PPP2R3B: variants seen among roughly 807,000 people sequenced by gnomAD.
PPP2R3B encodes the protein serine/threonine-protein phosphatase 2A regulatory subunit B'' subunit beta.
PPP2R3B carries 68 observed loss-of-function variants against 72.9 expected under a neutral mutation model. That is an observed-to-expected ratio of 0.93 (90% CI 0.77 to 1.14). The LOEUF is 1.14. Among genes scored for constraint, PPP2R3B ranks in the 50% most tolerant of loss-of-function variants. The probability of loss-of-function intolerance (pLI) is 0.00; values close to 1 mark genes in which losing one functional copy is unlikely to be tolerated. For missense variants in PPP2R3B, 1,018 were observed against 842.0 expected (o/e 1.21, Z -2.59); for synonymous variants, 466 against 375.8 (o/e 1.24, Z -2.78).
intron 7 of PPP2R3B, chrX:345,207 TG>T (rs1370777456): frequency 1.6e-6 from 1 of 607,278 alleles, no homozygotes; most frequent in South Asian, 1.5e-5. Flanking sequence ...CTTGCTCGGG[TG>T]TTAACAAGGA....
chrX:341,418 A>C, intron 8 of PPP2R3B, 22 bp from the exon 9 acceptor site: 1 of 1,610,224 alleles, frequency 6.2e-7, no homozygotes, highest in Non-Finnish European at 8.5e-7. Flanking sequence ...GCCAGGATGG[A>C]GAGACGAAGA....
chrX:367,182 G>C (rs1407229394), intron 1 of PPP2R3B, among the ~76,000 whole-genome samples: 2 of 152,136 alleles, frequency 1.3e-5, no homozygotes, highest in African/African-American at 2.4e-5. Flanking sequence ...TTGAAAGAAG[G>C]GATGAAGAGC....
At chrX:367,503 T>C (rs1273151497) in intron 1 of PPP2R3B, among the ~76,000 whole-genome samples, 1 of 152,116 alleles carries the variant, frequency 6.6e-6, no homozygotes, top group Non-Finnish European at 1.5e-5. Context: ...CCTCCAGCGA[T>C]TCTCCTGCCT....
In PPP2R3B at chrX:334,316, CGGT is replaced by C; in HGVS notation, c.*48_*50del. The C allele has an allele frequency of 2.1e-6, 3 of 1,432,584 alleles. No individual in the cohort carries two copies. The highest frequency in any genetic ancestry group is 2.7e-5 in the East Asian group (1 of 37,068). 88.7% of individuals were successfully genotyped at this position (1,432,584 alleles called of 1,614,324 possible). On this transcript the variant is annotated 3_prime_UTR_variant, in exon 13 of 13. Coordinates refer to ENST00000390665, the MANE Select transcript of PPP2R3B (RefSeq NM_013239.5). Reference sequence around the variant, plus strand: ...AGTTTTTACACGAGCCGCGGTGGCCCGGTGGTGGCACGTGGGGAGCGGCCCCGC... The same window carrying C: ...AGTTTTTACACGAGCCGCGGTGGCCCGGTGGCACGTGGGGAGCGGCCCCGC...
intron 2 of PPP2R3B, among the ~76,000 whole-genome samples, chrX:356,885 C>CG (rs2071447997): frequency 1.1e-5 from 1 of 93,110 alleles, no homozygotes; most frequent in Admixed American, 1.2e-4. Flanking sequence ...ATCCACACCC[C>CG]GCCAGCCACA....
At chrX:351,146 G>A (rs1190993264) in intron 2 of PPP2R3B, among the ~76,000 whole-genome samples, 2 of 152,160 alleles carry the variant, frequency 1.3e-5, no homozygotes, top group Non-Finnish European at 2.9e-5. Flanking sequence ...GAGGGGCCGG[G>A]CCCCGCAGGA....
chrX:346,127 G>C, intron 6 of PPP2R3B, 47 bp downstream of exon 6: 2 of 1,354,904 alleles, frequency 1.5e-6, no homozygotes, highest in Middle Eastern at 2.6e-4. Context: ...GGAGGTAGGA[G>C]GGGTAGGGAC....
chrX:369,981 C>A (rs767368414), intron 1 of PPP2R3B, among the ~76,000 whole-genome samples: 1 of 152,148 alleles, frequency 6.6e-6, no homozygotes, highest in South Asian at 2.1e-4. Context: ...ACCCAGATGA[C>A]GGCCACCCCC....
At chrX:363,488 G>T (rs76261341) in intron 1 of PPP2R3B, among the ~76,000 whole-genome samples, 2 of 9,720 alleles carry the variant, frequency 2.1e-4, no homozygotes, top group African/African-American at 9.2e-4. Context: ...CCCGAGCCCA[G>T]CATCCCACAA....
rs1234300797 is a variant in PPP2R3B at position 384,276 on chromosome X, C to CTA, written c.324+2091_324+2092insTA. Among the ~76,000 whole-genome samples the CTA allele has an allele frequency of 1.5e-4, 22 of 148,716 alleles. No individual in the cohort carries two copies. The South Asian group carries it at 1.9e-3, about 13-fold the overall frequency. The stretch of plus-strand genomic sequence containing the variant: ...ACGCAAGAAGACTCTCTCTCTCTCT[C>CTA]TCTCTCTATATATATATATATACTT... On this transcript the variant is annotated intron_variant, in intron 1 of 12. Transcript: ENST00000390665.
rs1019387513 is a variant in PPP2R3B at position 384,004 on chromosome X, GACAGA to G, written c.324+2359_324+2363del. ...AGGTTAAAATCAACATCGTAAGACT[GACAGA>G]ACAGACTCTGTGGCAAACAAGACCA... On this transcript the variant is annotated intron_variant, in intron 1 of 12. Transcript: ENST00000390665. 5.0e-3 allele frequency among the ~76,000 whole-genome samples: 757 copies of G among 152,076 alleles called. 10 individuals are homozygous for G. Among genetic ancestry groups the G allele is most frequent in the African/African-American group, 0.017 (725 of 41,508 alleles).
Position 334,355 on chromosome X carries a change from T to A in PPP2R3B, c.*12A>T. 6.8e-7 allele frequency: 1 copy of A among 1,469,586 alleles called. No homozygotes were observed. Among genetic ancestry groups the A allele is most frequent in the South Asian group, 1.3e-5 (1 of 75,730 alleles). The allele number at this position is 1,469,586 out of a possible 1,614,324, so 91.0% of individuals were successfully genotyped here. A position where few individuals can be genotyped will look rare whatever the true frequency, so the allele number is the denominator to read the frequency against. On this transcript the variant is annotated 3_prime_UTR_variant, in exon 13 of 13. Transcript: ENST00000390665. ...GGGGAGCGGCCCCGCGGCGGCGTTC[T>A]CGCGGGCGGCGTCACAGCGGCTCCA...
At chrX:342,937 AGAGGCGGGAGTGAGACCTCGCCAACGG>A (rs2071115454) in intron 7 of PPP2R3B, among the ~76,000 whole-genome samples, 4 of 7,348 alleles carry the variant, frequency 5.4e-4, no homozygotes, top group Non-Finnish European at 6.2e-4. Flanking sequence ...CTCGCCAAGG[AGAGGCGGGAGTGAGACCTCGCCAACGG>A]GAGGCGGGAG....
intron 2 of PPP2R3B, among the ~76,000 whole-genome samples, chrX:352,289 C>A (rs1199507165): frequency 6.6e-6 from 1 of 152,234 alleles, no homozygotes; most frequent in Admixed American, 6.5e-5. Flanking sequence ...CCTTGTGGGG[C>A]CCGGCAACGC....
chrX:376,295 C>A (rs2071991709), intron 1 of PPP2R3B, among the ~76,000 whole-genome samples: 1 of 92,932 alleles, frequency 1.1e-5, no homozygotes, highest in Admixed American at 1.1e-4. Context: ...CCTCGAACCA[C>A]CTCTGGATGC....
At chrX:367,806 G>A (rs767027251) in intron 1 of PPP2R3B, among the ~76,000 whole-genome samples, 2 of 152,200 alleles carry the variant, frequency 1.3e-5, no homozygotes, top group African/African-American at 2.4e-5. Flanking sequence ...AGGACAGAAA[G>A]ACAGGAGATA....
Position 347,282 on chromosome X carries a change from G to C in PPP2R3B, c.669C>G (p.Ser223Arg), listed in dbSNP as rs781746440. 26 of 1,613,814 alleles carry C rather than the reference G, an allele frequency of 1.6e-5. No individual in the cohort carries two copies. In the Admixed American group the frequency reaches 4.3e-4, roughly 27 times the overall value. ...CCTGCACCAGGTAGTTGCAGCCGGG[G>C]CTCATGAGCAGATGGACGAACTTGG... ...DAAKFVHLLM[S>R]PGCNYLVQED... The change falls in exon 4 of 13, where the codon AGC becomes AGG. Residue 223 changes from serine to arginine, a missense_variant. Coordinates refer to ENST00000390665, the MANE Select transcript of PPP2R3B (RefSeq NM_013239.5).
At position 346,712 on chromosome X, in the gene PPP2R3B, A is replaced by G. The variant is rs774004662; in HGVS notation, c.781T>C (p.Tyr261His). ...CGCTGGGGACCCACCGTGGTGATGT[A>G]GCGCGAGTGGAACTCGGACGCCTCC... ...LKEASEFHSR[Y>H]ITTVIQRIFY... Residue 261 changes from tyrosine to histidine, a missense_variant, in exon 5 of 13, where the codon TAC becomes CAC. By Grantham distance (83) the Tyr-to-His change is moderately conservative. Coordinates refer to ENST00000390665, the MANE Select transcript of PPP2R3B (RefSeq NM_013239.5). 1 of 1,609,514 alleles carries G rather than the reference A, an allele frequency of 6.2e-7. No individual in the cohort carries two copies. Among genetic ancestry groups the G allele is most frequent in the South Asian group, 1.1e-5 (1 of 90,876 alleles).
chrX:334,798 TC>T, intron 12 of PPP2R3B: 4 of 389,886 alleles, frequency 1.0e-5, no homozygotes, highest in Non-Finnish European at 9.1e-6. Context: ...CGGGCGCGCC[TC>T]TTCCCCAAAG....
Sources: gnomAD v4.1 joint callset for allele counts (sites outside exome capture counted in the v4.1 genomes callset) on GRCh38, gnomAD v4.1.1 for gene constraint, MANE v1.5 for transcripts, NCBI Gene and HGNC (gene_info 2026-07-23, HGNC 2026-07-21) for gene names.